CPNE4: variants seen among roughly 807,000 people sequenced by gnomAD.
The protein encoded by CPNE4 is copine-4.
A neutral mutation model predicts 67.9 loss-of-function variants in CPNE4; 25 were observed. That is an observed-to-expected ratio of 0.37 (90% CI 0.27 to 0.51). The LOEUF is 0.51. CPNE4 is among the 20% of genes least tolerant of loss of function. The pLI, the probability that CPNE4 is intolerant of heterozygous loss-of-function variation, is 0.93. For synonymous variants in CPNE4, 242 were observed against 244.9 expected (o/e 0.99, Z 0.11); for missense variants, 464 against 690.8 (o/e 0.67, Z 3.68).
At chr3:131,666,860 A>C (rs2080276527) in intron 7 of CPNE4, among the ~76,000 whole-genome samples, 1 of 152,234 alleles carries the variant, frequency 6.6e-6, no homozygotes, top group Admixed American at 6.5e-5. Flanking sequence ...CATCTCAGTC[A>C]AATACAGTGC....
intron 7 of CPNE4, among the ~76,000 whole-genome samples, chr3:131,665,596 T>G (rs1582986036): frequency 6.6e-6 from 1 of 151,190 alleles, no homozygotes; most frequent in Admixed American, 6.6e-5. Flanking sequence ...GAGGCAGAGG[T>G]TGTAGTGAGC....
chr3:131,950,387 T>G (rs540037006), intron 1 of CPNE4, among the ~76,000 whole-genome samples: 1 of 152,324 alleles, frequency 6.6e-6, no homozygotes, highest in Non-Finnish European at 1.5e-5. Flanking sequence ...TAGGGGCCAC[T>G]TTTAATAGTA....
intron 1 of CPNE4, among the ~76,000 whole-genome samples, chr3:131,928,915 G>T (rs924034067): frequency 6.6e-6 from 1 of 152,170 alleles, no homozygotes; most frequent in African/African-American, 2.4e-5. Context: ...TTTACCATAA[G>T]TGAGGAGGCT....
At chr3:131,535,439 C>T (rs1935083563) in intron 15 of CPNE4, 110 bp from the exon 16 acceptor site, 1 of 1,135,348 alleles carries the variant, frequency 8.8e-7, no homozygotes, top group East Asian at 2.5e-5. Context: ...CACTTTCATT[C>T]ATTCGTTATT....
intron 7 of CPNE4, among the ~76,000 whole-genome samples, chr3:131,615,907 AC>A (rs1940118239): frequency 1.0e-5 from 1 of 98,254 alleles, no homozygotes; most frequent in African/African-American, 7.1e-5. Flanking sequence ...ACACACACAC[AC>A]ACACACACAC....
At chr3:131,623,950 TAAAG>T (rs1200389269) in intron 7 of CPNE4, among the ~76,000 whole-genome samples, 2 of 152,216 alleles carry the variant, frequency 1.3e-5, no homozygotes, top group Admixed American at 1.3e-4. Flanking sequence ...GGGTAAAACA[TAAAG>T]AGAGTATAGC....
At position 131,977,956 on chromosome 3, in the gene CPNE4, T is replaced by C. The variant is rs541584669; in HGVS notation, c.-2+56611A>G. 2.0e-5 allele frequency among the ~76,000 whole-genome samples: 3 copies of C among 147,906 alleles called. No individual in the cohort carries two copies. The East Asian group carries it at 5.9e-4, about 29-fold the overall frequency. The stretch of plus-strand genomic sequence containing the variant: ...GTTTGGTTTTCCATTCCTGAGTTAT[T>C]TCACTTAGAATAATAGCCTTTAATC... On this transcript the variant is annotated intron_variant, in intron 1 of 15. Coordinates refer to ENST00000429747, the MANE Select transcript of CPNE4 (RefSeq NM_130808.3).
At chr3:131,572,740 C>T (rs1263513199) in intron 10 of CPNE4, among the ~76,000 whole-genome samples, 3 of 152,030 alleles carry the variant, frequency 2.0e-5, no homozygotes, top group African/African-American at 7.2e-5. Context: ...AGCCAAGGGT[C>T]ACATAATGTG....
chr3:131,809,778 G>A (rs1193955964), intron 2 of CPNE4, among the ~76,000 whole-genome samples: 1 of 152,040 alleles, frequency 6.6e-6, no homozygotes, highest in Non-Finnish European at 1.5e-5. Context: ...ACACAAAAAG[G>A]TAATAAATAT....
intron 10 of CPNE4, 96 bp downstream of exon 10, chr3:131,574,975 A>T: frequency 9.7e-7 from 1 of 1,032,794 alleles, no homozygotes; most frequent in Non-Finnish European, 1.5e-6. Flanking sequence ...TGAAGGTTTT[A>T]ATAAGCTTTT....
intron 2 of CPNE4, among the ~76,000 whole-genome samples, chr3:131,773,934 A>G (rs910886960): frequency 6.6e-6 from 1 of 152,182 alleles, no homozygotes; most frequent in African/African-American, 2.4e-5. Flanking sequence ...AAACTTACTT[A>G]ACCATTTCCT....
intron 14 of CPNE4, among the ~76,000 whole-genome samples, chr3:131,544,226 A>ATACTT (rs1319053724): frequency 6.6e-6 from 1 of 152,226 alleles, no homozygotes; most frequent in Non-Finnish European, 1.5e-5. Context: ...CCACGTTACC[A>ATACTT]TACTTCAAAG....
chr3:131,924,441 G>C (rs1280150225), intron 1 of CPNE4, among the ~76,000 whole-genome samples: 1 of 152,052 alleles, frequency 6.6e-6, no homozygotes. Flanking sequence ...AGAGTGAAAG[G>C]ATCTAGAATG....
At chr3:132,038,643 A>C (rs996162614), upstream of CPNE4, among the ~76,000 whole-genome samples, 2 of 152,178 alleles carry the variant, frequency 1.3e-5, no homozygotes, top group Non-Finnish European at 2.9e-5. Flanking sequence ...CATTGTAAAA[A>C]GAAAGTATTT....
chr3:131,716,132 T>C lies in CPNE4; in HGVS notation c.360+7314A>G, dbSNP rs541251867. 9.2e-5 allele frequency among the ~76,000 whole-genome samples: 14 copies of C among 152,288 alleles called. No homozygotes were observed. In the East Asian group the frequency reaches 2.7e-3, roughly 29 times the overall value. On this transcript the variant is annotated intron_variant, in intron 3 of 15. Transcript: ENST00000429747. ...TTATGACCAATGCCAGTTTCTAGCA[T>C]GCTTAAGGCTTCTATTTTCCTTTCC...
intron 11 of CPNE4, among the ~76,000 whole-genome samples, chr3:131,563,450 G>A (rs999331812): frequency 6.6e-5 from 10 of 151,958 alleles, no homozygotes; most frequent in African/African-American, 2.2e-4. Context: ...TCAGTTTAAC[G>A]TAATTTATGC....
At chr3:131,857,218 T>C (rs1319078602) in intron 2 of CPNE4, among the ~76,000 whole-genome samples, 2 of 152,058 alleles carry the variant, frequency 1.3e-5, no homozygotes, top group Non-Finnish European at 2.9e-5. Flanking sequence ...TTTAAAAGTG[T>C]ATTCAAGGAA....
At chr3:131,609,639 A>G (rs1939713631) in intron 7 of CPNE4, among the ~76,000 whole-genome samples, 1 of 152,218 alleles carries the variant, frequency 6.6e-6, no homozygotes, top group African/African-American at 2.4e-5. Context: ...GTTTTTAAAA[A>G]ATACATGTTA....
At chr3:131,855,358 A>C (rs1348392178) in intron 2 of CPNE4, among the ~76,000 whole-genome samples, 1 of 151,996 alleles carries the variant, frequency 6.6e-6, no homozygotes, top group East Asian at 1.9e-4. Context: ...GGTTGGATTC[A>C]ATGAGTTGAC....
Sources: allele counts gnomAD v4.1 joint callset (sites outside exome capture counted in the v4.1 genomes callset), GRCh38; gene constraint gnomAD v4.1.1; transcripts MANE v1.5; gene names NCBI Gene and HGNC (gene_info 2026-07-23, HGNC 2026-07-21).